The following MED13L variants were observed in gnomAD, a reference collection of about 807,000 sequenced individuals.
MED13L encodes mediator complex subunit 13L.
Under a neutral mutation model 220.9 loss-of-function variants are expected in MED13L, and 7 were observed. That is an observed-to-expected ratio of 0.03 (90% CI 0.02 to 0.06). The LOEUF (loss-of-function observed/expected upper bound fraction) is 0.06, where lower values mean the gene tolerates loss of function less well. Among genes scored for constraint, MED13L ranks in the 10% least tolerant of loss-of-function variants. The pLI is 1.00. For missense variants in MED13L, 1,965 were observed against 2,760.5 expected (o/e 0.71, Z 6.46); for synonymous variants, 1,011 against 1,015.2 (o/e 1.00, Z 0.08).
intron 5 of MED13L, among the ~76,000 whole-genome samples, chr12:116,020,247 T>C (rs187546852): frequency 2.6e-5 from 4 of 152,344 alleles, no homozygotes; most frequent in Admixed American, 1.3e-4. Flanking sequence ...TTGAAGTTTC[T>C]TGTTTTAAAA....
intron 4 of MED13L, among the ~76,000 whole-genome samples, chr12:116,045,821 C>CA (rs1254623821): frequency 6.6e-6 from 1 of 151,808 alleles, no homozygotes; most frequent in Non-Finnish European, 1.5e-5. Flanking sequence ...TATTAAGTCA[C>CA]AAAAAATGTT....
intron 14 of MED13L, among the ~76,000 whole-genome samples, chr12:116,001,725 TA>T (rs1878756063): frequency 6.6e-6 from 1 of 152,268 alleles, no homozygotes; most frequent in African/African-American, 2.4e-5. Flanking sequence ...CTGGTGTTAA[TA>T]TTCTGTGCTA....
intron 4 of MED13L, among the ~76,000 whole-genome samples, chr12:116,033,888 T>C (rs1450420257): frequency 6.6e-6 from 1 of 152,132 alleles, no homozygotes; most frequent in African/African-American, 2.4e-5. Context: ...GCAATTACTG[T>C]AAAAAGGAAA....
At chr12:116,020,056 G>C in intron 5 of MED13L, 84 bp from the exon 6 acceptor site, 1 of 1,213,824 alleles carries the variant, frequency 8.2e-7, no homozygotes, top group Non-Finnish European at 1.2e-6. Context: ...GGTAATTTTA[G>C]GTTACAGTAT....
intron 2 of MED13L, among the ~76,000 whole-genome samples, chr12:116,222,845 C>G (rs1868574839): frequency 1.3e-5 from 2 of 152,174 alleles, no homozygotes; most frequent in Admixed American, 1.3e-4. Context: ...TGATAAACAA[C>G]TGGACAAAAT....
intron 13 of MED13L, among the ~76,000 whole-genome samples, chr12:116,003,982 G>A (rs1161019346): frequency 6.6e-6 from 1 of 152,164 alleles, no homozygotes; most frequent in Non-Finnish European, 1.5e-5. Flanking sequence ...GATTGAAAAT[G>A]TCCAATTCTC....
chr12:116,217,498 G>A (rs934758931), intron 2 of MED13L, among the ~76,000 whole-genome samples: 4 of 152,104 alleles, frequency 2.6e-5, no homozygotes, highest in Non-Finnish European at 4.4e-5. Flanking sequence ...GACAGTTCAC[G>A]TCGGCCCATG....
At chr12:116,187,675 G>T (rs561762458) in intron 2 of MED13L, among the ~76,000 whole-genome samples, 13 of 152,046 alleles carry the variant, frequency 8.6e-5, no homozygotes, top group Middle Eastern at 3.2e-3. Flanking sequence ...AATCATAGGG[G>T]ATGTATAGAA....
At chr12:116,231,785 A>T (rs1182767962) in intron 2 of MED13L, among the ~76,000 whole-genome samples, 1 of 152,190 alleles carries the variant, frequency 6.6e-6, no homozygotes, top group East Asian at 1.9e-4. Flanking sequence ...AAGTCTGAAA[A>T]TTGCCTCAAA....
intron 4 of MED13L, among the ~76,000 whole-genome samples, chr12:116,052,127 T>C (rs1407123093): frequency 6.6e-6 from 1 of 152,082 alleles, no homozygotes; most frequent in African/African-American, 2.4e-5. Flanking sequence ...GAACATTCTA[T>C]ACAGCTAAGA....
chr12:115,976,495 T>C (rs1438520840), intron 23 of MED13L, among the ~76,000 whole-genome samples: 1 of 152,166 alleles, frequency 6.6e-6, no homozygotes, highest in Non-Finnish European at 1.5e-5. Context: ...CTTTAAGGGA[T>C]TGGAAAGGCC....
chr12:116,091,660 A>C (rs1307255218), intron 4 of MED13L, among the ~76,000 whole-genome samples: 1 of 152,218 alleles, frequency 6.6e-6, no homozygotes, highest in African/African-American at 2.4e-5. Context: ...CAGTATCTTC[A>C]CTTCAACTCC....
intron 11 of MED13L, 108 bp from the exon 12 acceptor site, chr12:116,006,519 C>T: frequency 1.1e-6 from 1 of 871,594 alleles, no homozygotes; most frequent in South Asian, 1.4e-5. Context: ...GTTATGAGCA[C>T]AAGTATGATA....
Position 116,126,985 on chromosome 12 carries a change from TAGGTTAAAAA to T in MED13L, c.311-15483_311-15474del, listed in dbSNP as rs1169357814. On this transcript the variant is annotated intron_variant, in intron 2 of 30. Coordinates refer to ENST00000281928, the MANE Select transcript of MED13L (RefSeq NM_015335.5). ...CCCACCATTCAGAATAGATTTTTCA[TAGGTTAAAAA>T]ATATATATATTTTCCAAATAATTAA... Among the ~76,000 whole-genome samples the T allele has an allele frequency of 4.9e-4, 74 of 152,338 alleles. 1 individual carries two copies. Among genetic ancestry groups the T allele is most frequent in the African/African-American group, 1.8e-3 (73 of 41,584 alleles).
At chr12:116,222,970 A>T (rs1868587170) in intron 2 of MED13L, among the ~76,000 whole-genome samples, 2 of 152,230 alleles carry the variant, frequency 1.3e-5, no homozygotes, top group Non-Finnish European at 2.9e-5. Flanking sequence ...GCCAGTAATT[A>T]ACTCAGGATT....
At position 116,199,372 on chromosome 12, in the gene MED13L, G is replaced by T. The variant is rs138550131; in HGVS notation, c.310+38096C>A. 6.6e-5 allele frequency among the ~76,000 whole-genome samples: 10 copies of T among 152,308 alleles called. No homozygotes were observed. In the East Asian group the frequency reaches 7.7e-4, roughly 12 times the overall value. On this transcript the variant is annotated intron_variant, in intron 2 of 30. Transcript: ENST00000281928. ...TCAAAAAGAGAGTTTACACAAAAGT[G>T]ATACAGCACACTTCACGCACACTTT...
intron 2 of MED13L, among the ~76,000 whole-genome samples, chr12:116,205,939 CTTG>C (rs973347469): frequency 9.3e-6 from 1 of 107,468 alleles, no homozygotes; most frequent in Non-Finnish European, 1.7e-5. Flanking sequence ...TAACTAAAAA[CTTG>C]TTTTTTTTTT....
At chr12:116,011,976 A>C (rs145868304) in intron 9 of MED13L, among the ~76,000 whole-genome samples, 2 of 152,266 alleles carry the variant, frequency 1.3e-5, no homozygotes, top group Admixed American at 6.5e-5. Context: ...CCCTGATCTC[A>C]CCAGAGACAT....
chr12:116,164,377 GA>G (rs1879099330), intron 2 of MED13L, among the ~76,000 whole-genome samples: 1 of 151,862 alleles, frequency 6.6e-6, no homozygotes, highest in South Asian at 2.1e-4. Context: ...AAGTATGAAA[GA>G]AAAAAACCAA....
Sources: gnomAD v4.1 joint callset for allele counts (sites outside exome capture counted in the v4.1 genomes callset) on GRCh38, gnomAD v4.1.1 for gene constraint, MANE v1.5 for transcripts, NCBI Gene and HGNC (gene_info 2026-07-23, HGNC 2026-07-21) for gene names.